Variants in UBE2G1 observed in about 807,000 individuals in gnomAD.
UBE2G1 encodes ubiquitin-conjugating enzyme E2 G1.
Under a neutral mutation model 22.7 loss-of-function variants are expected in UBE2G1, and 5 were observed. The observed-to-expected ratio is 0.22, with a 90% CI of 0.12 to 0.46. UBE2G1 has a LOEUF of 0.46. Among genes scored for constraint, UBE2G1 ranks in the 20% least tolerant of loss-of-function variants. The pLI is 0.99. For synonymous variants in UBE2G1, 74 were observed against 67.5 expected, an observed-to-expected ratio of 1.10 and a Z score of -0.47; for missense variants, 88 against 203.9, an observed-to-expected ratio of 0.43 and a Z score of 3.46.
intron 1 of UBE2G1, among the ~76,000 whole-genome samples, chr17:4,359,154 A>C (rs1184305562): frequency 6.6e-6 from 1 of 152,100 alleles, no homozygotes; most frequent in East Asian, 1.9e-4. Flanking sequence ...TAAAAGGAAA[A>C]GTGTCTCCTG....
intron 4 of UBE2G1, among the ~76,000 whole-genome samples, chr17:4,287,338 G>C (rs927044118): frequency 6.6e-6 from 1 of 151,406 alleles, no homozygotes; most frequent in Non-Finnish European, 1.5e-5. Flanking sequence ...TCCTGACCTT[G>C]TGATCTGCCC....
chr17:4,339,593 C>CCG (rs1270978312), intron 1 of UBE2G1, among the ~76,000 whole-genome samples: 4 of 152,290 alleles, frequency 2.6e-5, no homozygotes, highest in Admixed American at 2.0e-4. Flanking sequence ...GCGTGAGCCA[C>CCG]CGCGCCTGGC....
rs1285204556 is a variant in UBE2G1 at position 4,271,532 on chromosome 17, T to C, written c.*1022A>G. On this transcript the variant is annotated 3_prime_UTR_variant, in exon 6 of 6. Transcript: ENST00000396981. ...TATACATCGCAATTTCTTTGTACAA[T>C]AGGTGAGAAAAATCTGCAGTATAGA... 6.6e-6 allele frequency: 1 copy of C among 150,558 alleles called. No homozygotes were observed. The highest frequency in any genetic ancestry group is 1.5e-5 in the Non-Finnish European group (1 of 67,674). 9.3% of individuals were successfully genotyped at this position (150,558 alleles called of 1,614,324 possible). A position where few individuals can be genotyped will look rare whatever the true frequency, so the allele number is the denominator to read the frequency against.
At chr17:4,338,764 A>G (rs1033711837) in intron 1 of UBE2G1, among the ~76,000 whole-genome samples, 7 of 152,240 alleles carry the variant, frequency 4.6e-5, no homozygotes, top group African/African-American at 1.7e-4. Context: ...AATATTTAAC[A>G]GCAGGTATAG....
rs1208677107 is a variant in UBE2G1, at chr17:4,296,901, C to T, written c.150-87G>A. On this transcript the variant is annotated intron_variant, in intron 2 of 5. Coordinates refer to ENST00000396981, the MANE Select transcript of UBE2G1 (RefSeq NM_003342.5). ...TTAAAACAAATATAAAACAAGGGTG[C>T]TAGCACTAACATCAAAAATGAAGTA... is the stretch of plus-strand genomic sequence containing the variant. 5.4e-6 allele frequency: 6 copies of T among 1,106,284 alleles called. No individual in the cohort carries two copies. The East Asian group carries it at 1.4e-4, about 27-fold the overall frequency. 68.5% of individuals were successfully genotyped at this position (1,106,284 alleles called of 1,614,324 possible).
chr17:4,294,751 CA>C (rs556973940), intron 3 of UBE2G1, among the ~76,000 whole-genome samples: 2 of 149,730 alleles, frequency 1.3e-5, no homozygotes, highest in African/African-American at 2.5e-5. Context: ...CCCGTCTTTA[CA>C]AAAAAAAACA....
rs187185880 is a variant in UBE2G1, at chr17:4,269,534, G to A, written c.*3020C>T. On this transcript the variant is annotated 3_prime_UTR_variant, in exon 6 of 6. Transcript: ENST00000396981. ...GCGGGCAGATTCGTCGAGGGTGAGTGGGCATATCAAATAAAATCTCACAAC... is the reference window on the plus strand; with the variant it reads ...GCGGGCAGATTCGTCGAGGGTGAGTAGGCATATCAAATAAAATCTCACAAC... 2 of 186,250 alleles carry A rather than the reference G, an allele frequency of 1.1e-5. No individual in the cohort carries two copies. Among genetic ancestry groups the A allele is most frequent in the East Asian group, 1.9e-4 (1 of 5,186 alleles). 11.5% of individuals were successfully genotyped at this position (186,250 alleles called of 1,614,324 possible).
At chr17:4,359,888 A>T (rs1383087884) in intron 1 of UBE2G1, among the ~76,000 whole-genome samples, 1 of 151,644 alleles carries the variant, frequency 6.6e-6, no homozygotes, top group Non-Finnish European at 1.5e-5. Flanking sequence ...AAAACTGCTG[A>T]TTAACTCAAA....
intron 2 of UBE2G1, among the ~76,000 whole-genome samples, chr17:4,299,617 T>C (rs967614161): frequency 3.9e-5 from 6 of 152,166 alleles, no homozygotes; most frequent in African/African-American, 1.4e-4. Context: ...ACCCTCTAAA[T>C]TGTTTTCAAT....
At chr17:4,308,428 G>C (rs896668511) in intron 1 of UBE2G1, among the ~76,000 whole-genome samples, 1 of 152,102 alleles carries the variant, frequency 6.6e-6, no homozygotes, top group Non-Finnish European at 1.5e-5. Context: ...AGAAGGCTAA[G>C]GCAGGAGAAC....
intron 1 of UBE2G1, among the ~76,000 whole-genome samples, chr17:4,342,015 T>C (rs1969718121): frequency 6.6e-6 from 1 of 152,170 alleles, no homozygotes; most frequent in Non-Finnish European, 1.5e-5. Flanking sequence ...CTACAGTTAC[T>C]CCCTTATTGA....
At position 4,289,245 on chromosome 17, in the gene UBE2G1, A is replaced by AGCAG; in HGVS notation, c.407_410dup (p.Asn138CysfsTer2). ...ACCACCTTACCGCAGCATCAACATTAGCAGGTGAGTCTCCATTAGGGTCTG... is the reference window on the plus strand; with the variant it reads ...ACCACCTTACCGCAGCATCAACATTAGCAGGCAGGTGAGTCTCCATTAGGGTCTG... On this transcript the variant is annotated frameshift_variant, in exon 4 of 6. Coordinates refer to ENST00000396981, the MANE Select transcript of UBE2G1 (RefSeq NM_003342.5). LOFTEE classifies it high-confidence loss of function. 6.4e-7 allele frequency: 1 copy of AGCAG among 1,565,392 alleles called. No individual in the cohort carries two copies. The highest frequency in any genetic ancestry group is 8.7e-7 in the Non-Finnish European group (1 of 1,155,842).
At chr17:4,275,680 T>C (rs1432916652) in intron 5 of UBE2G1, among the ~76,000 whole-genome samples, 1 of 152,190 alleles carries the variant, frequency 6.6e-6, no homozygotes, top group African/African-American at 2.4e-5. Flanking sequence ...AAAATAAAAG[T>C]AATTCTTCAA....
chr17:4,318,658 C>A (rs1168806438), intron 1 of UBE2G1, among the ~76,000 whole-genome samples: 1 of 152,186 alleles, frequency 6.6e-6, no homozygotes, highest in East Asian at 1.9e-4. Flanking sequence ...ATGTGTAAAG[C>A]CCTATTTTTA....
At chr17:4,296,477 G>C (rs1052613500) in intron 3 of UBE2G1, among the ~76,000 whole-genome samples, 1 of 152,098 alleles carries the variant, frequency 6.6e-6, no homozygotes, top group Non-Finnish European at 1.5e-5. Context: ...TTGCCAGGCT[G>C]GTCTCCAACT....
At chr17:4,305,706 T>TA (rs1345789228) in intron 2 of UBE2G1, among the ~76,000 whole-genome samples, 1 of 152,024 alleles carries the variant, frequency 6.6e-6, no homozygotes, top group Non-Finnish European at 1.5e-5. Context: ...CATGCCCAGC[T>TA]AATTTTTGTA....
chr17:4,343,471 T>C (rs1969733492), intron 1 of UBE2G1, among the ~76,000 whole-genome samples: 1 of 151,944 alleles, frequency 6.6e-6, no homozygotes, highest in Non-Finnish European at 1.5e-5. Flanking sequence ...GACACTGGAC[T>C]CCAGCCTGGA....
intron 1 of UBE2G1, among the ~76,000 whole-genome samples, chr17:4,343,817 G>A (rs1236115049): frequency 1.3e-5 from 2 of 151,926 alleles, no homozygotes; most frequent in Non-Finnish European, 2.9e-5. Flanking sequence ...TCGATCTCCT[G>A]ACCTCATGAT....
chr17:4,294,638 G>A (rs982528082), intron 3 of UBE2G1, among the ~76,000 whole-genome samples: 4 of 152,084 alleles, frequency 2.6e-5, no homozygotes, highest in East Asian at 1.9e-4. Flanking sequence ...TAGGCCTGGC[G>A]TGGTAGCTAA....
Sources: gnomAD v4.1 joint callset for allele counts (sites outside exome capture counted in the v4.1 genomes callset) on GRCh38, gnomAD v4.1.1 for gene constraint, MANE v1.5 for transcripts, NCBI Gene and HGNC (gene_info 2026-07-23, HGNC 2026-07-21) for gene names.